The following RBFOX1 variants were observed in gnomAD, a reference collection of about 807,000 sequenced individuals.
The protein encoded by RBFOX1 is RNA binding fox-1 homolog 1, also known as RNA binding protein fox-1 homolog 1.
In RBFOX1, 8 loss-of-function variants were observed where a neutral mutation model predicts 57.7. The ratio of observed to expected loss-of-function variants is 0.14; its 90% CI spans 0.08 to 0.25. The LOEUF (loss-of-function observed/expected upper bound fraction) is 0.25, where lower values mean the gene tolerates loss of function less well. Ranked by LOEUF, RBFOX1 falls within the 10% of genes least tolerant of loss-of-function variation. RBFOX1 has a pLI of 1.00. For synonymous variants in RBFOX1, 326 were observed against 222.4 expected, an observed-to-expected ratio of 1.47 and a Z score of -4.15; for missense variants, 611 against 548.5, an observed-to-expected ratio of 1.11 and a Z score of -1.14.
At chr16:5,664,129 G>A (rs974516362) in intron 3 of RBFOX1, among the ~76,000 whole-genome samples, 2 of 152,192 alleles carry the variant, frequency 1.3e-5, no homozygotes, top group African/African-American at 2.4e-5. Context: ...TGCTGTGTCT[G>A]CTTCATCCAT....
chr16:5,713,980 A>C (rs2051591224), intron 3 of RBFOX1, among the ~76,000 whole-genome samples: 1 of 152,102 alleles, frequency 6.6e-6, no homozygotes, highest in Admixed American at 6.5e-5. Context: ...GAGCTTTTTG[A>C]GGTTTTAGGA....
intron 4 of RBFOX1, among the ~76,000 whole-genome samples, chr16:7,371,184 C>G (rs1463137771): frequency 5.3e-5 from 8 of 152,164 alleles, no homozygotes; most frequent in Non-Finnish European, 8.8e-5. Context: ...TCACTTGAAG[C>G]TCATAATTTA....
At chr16:6,234,740 C>G (rs1359566774) in intron 1 of RBFOX1, among the ~76,000 whole-genome samples, 1 of 152,074 alleles carries the variant, frequency 6.6e-6, no homozygotes, top group Non-Finnish European at 1.5e-5. Context: ...TGAAGAAGTT[C>G]TGCATCTTGA....
chr16:6,392,160 T>C (rs1479016105), intron 2 of RBFOX1, among the ~76,000 whole-genome samples: 3 of 152,200 alleles, frequency 2.0e-5, no homozygotes, highest in Non-Finnish European at 4.4e-5. Context: ...TGTCCTAAAT[T>C]GTTGTCTTTG....
rs1419475001 is a variant in RBFOX1, at chr16:7,411,970, G to C, written c.28-106177G>C. On this transcript the variant is annotated intron_variant, in intron 4 of 15. Coordinates refer to ENST00000550418, the MANE Select transcript of RBFOX1 (RefSeq NM_018723.4). ...CTATCACAGACAAGAAGAAACTTCAGAGTCACGGCCGCCCAGATGCCATGT... is the reference window on the plus strand; with the variant it reads ...CTATCACAGACAAGAAGAAACTTCACAGTCACGGCCGCCCAGATGCCATGT... Among the ~76,000 whole-genome samples, 5 of 150,794 alleles carry C rather than the reference G, an allele frequency of 3.3e-5. No homozygotes were observed. The East Asian group carries it at 7.8e-4, about 24-fold the overall frequency.
intron 1 of RBFOX1, among the ~76,000 whole-genome samples, chr16:6,080,901 T>C (rs1169147270): frequency 6.6e-6 from 1 of 152,116 alleles, no homozygotes; most frequent in Non-Finnish European, 1.5e-5. Flanking sequence ...TTAAAGTATT[T>C]GAAGAGAAAA....
intron 4 of RBFOX1, among the ~76,000 whole-genome samples, chr16:7,148,428 C>T (rs749378693): frequency 5.3e-5 from 8 of 152,170 alleles, no homozygotes; most frequent in Non-Finnish European, 1.2e-4. Context: ...TCTTAAGTTC[C>T]TTCTCTATGT....
At chr16:6,091,933 A>G (rs998679984) in intron 1 of RBFOX1, among the ~76,000 whole-genome samples, 2 of 151,692 alleles carry the variant, frequency 1.3e-5, no homozygotes, top group Non-Finnish European at 2.9e-5. Flanking sequence ...TCATCCATCT[A>G]CCTCCCCATC....
chr16:7,602,583 G>C (rs542689854), intron 9 of RBFOX1, among the ~76,000 whole-genome samples: 1 of 152,260 alleles, frequency 6.6e-6, no homozygotes, highest in Non-Finnish European at 1.5e-5. Context: ...TCTCCAGCAG[G>C]GTTATCCCAA....
Position 7,282,925 on chromosome 16 carries a change from T to C in RBFOX1, c.27+230827T>C, listed in dbSNP as rs575430800. 2.0e-5 allele frequency among the ~76,000 whole-genome samples: 3 copies of C among 152,336 alleles called. No homozygotes were observed. In the South Asian group the frequency reaches 6.2e-4, roughly 32 times the overall value. On this transcript the variant is annotated intron_variant, in intron 4 of 15. Coordinates refer to ENST00000550418, the MANE Select transcript of RBFOX1 (RefSeq NM_018723.4). ...CTGCGATTAATTCATTACTTTTTTA[T>C]GGTTGAGTAGTCCATCATGTGTGTG...
intron 1 of RBFOX1, among the ~76,000 whole-genome samples, chr16:6,126,835 C>T (rs956020309): frequency 6.6e-6 from 1 of 152,104 alleles, no homozygotes; most frequent in Non-Finnish European, 1.5e-5. Context: ...ACATTAAAAA[C>T]AATGGTCCTG....
chr16:6,222,508 A>G (rs564774133), intron 1 of RBFOX1, among the ~76,000 whole-genome samples: 16 of 151,874 alleles, frequency 1.1e-4, no homozygotes, highest in Non-Finnish European at 8.8e-5. Flanking sequence ...AGGATTGCAG[A>G]TACATCAGCT....
chr16:7,519,367 A>G (rs975318709), intron 5 of RBFOX1, among the ~76,000 whole-genome samples: 1 of 152,150 alleles, frequency 6.6e-6, no homozygotes, highest in Non-Finnish European at 1.5e-5. Context: ...AATTTTGATG[A>G]ATAAGGGAAC....
intron 3 of RBFOX1, among the ~76,000 whole-genome samples, chr16:5,860,906 A>G (rs1479977008): frequency 1.3e-5 from 2 of 152,204 alleles, no homozygotes; most frequent in African/African-American, 4.8e-5. Context: ...AGGTGGAGAT[A>G]AAAAGGAATG....
chr16:7,266,424 G>A (rs1036028522), intron 4 of RBFOX1, among the ~76,000 whole-genome samples: 1 of 152,186 alleles, frequency 6.6e-6, no homozygotes, highest in African/African-American at 2.4e-5. Context: ...CCCAGCAGAT[G>A]CCTGCGCCAT....
chr16:5,606,673 A>T (rs987206601), intron 3 of RBFOX1, among the ~76,000 whole-genome samples: 1 of 152,074 alleles, frequency 6.6e-6, no homozygotes, highest in Non-Finnish European at 1.5e-5. Flanking sequence ...CTGAGGCACA[A>T]TCTGATTGCT....
chr16:5,256,764 C>A (rs1310391841), intron 1 of RBFOX1, among the ~76,000 whole-genome samples: 1 of 151,842 alleles, frequency 6.6e-6, no homozygotes, highest in Non-Finnish European at 1.5e-5. Flanking sequence ...CGAAACCCTG[C>A]CTCTTCTAAA....
At chr16:6,611,500 G>C (rs973784705) in intron 2 of RBFOX1, among the ~76,000 whole-genome samples, 2 of 152,038 alleles carry the variant, frequency 1.3e-5, no homozygotes, top group Non-Finnish European at 2.9e-5. Context: ...AGGTCTCCTT[G>C]GATGCTCTTT....
At position 5,623,756 on chromosome 16, in the gene RBFOX1, C is replaced by A. The variant is rs1212064111; in HGVS notation, c.318+24795C>A. On this transcript the variant is annotated intron_variant, in intron 3 of 19. Coordinates refer to the RBFOX1 transcript ENST00000641259. ...TGTGTCTCTCCTGCTCTTTTTCTCC[C>A]CCATCTCTCCCTCTCAATCTGGTTG... Among the ~76,000 whole-genome samples the A allele has an allele frequency of 2.6e-5, 4 of 152,016 alleles. No individual in the cohort carries two copies. In the East Asian group the frequency reaches 7.7e-4, roughly 29 times the overall value.
Sources: allele counts gnomAD v4.1 joint callset (sites outside exome capture counted in the v4.1 genomes callset), GRCh38; gene constraint gnomAD v4.1.1; transcripts MANE v1.5; gene names NCBI Gene and HGNC (gene_info 2026-07-23, HGNC 2026-07-21).